Variants in TET3 observed in about 807,000 individuals in gnomAD.
The protein encoded by TET3 is methylcytosine dioxygenase TET3.
TET3 carries 19 observed loss-of-function variants against 141.4 expected under a neutral mutation model. That is an observed-to-expected ratio of 0.13 (90% CI 0.09 to 0.20). The LOEUF is 0.20. TET3 is among the 10% of genes least tolerant of loss of function. The probability of loss-of-function intolerance (pLI) is 1.00; values close to 1 mark genes in which losing one functional copy is unlikely to be tolerated. For missense variants in TET3, 1,874 were observed against 2,356.9 expected, an observed-to-expected ratio of 0.80 and a Z score of 4.24; for synonymous variants, 1,043 against 980.9, an observed-to-expected ratio of 1.06 and a Z score of -1.18.
intron 3 of TET3, among the ~76,000 whole-genome samples, chr2:74,023,002 C>G (rs1425932078): frequency 6.6e-6 from 1 of 152,056 alleles, no homozygotes; most frequent in Non-Finnish European, 1.5e-5. Context: ...TCTTGAACTC[C>G]TGACCTCAAG....
chr2:74,023,283 A>G (rs1206410240), intron 3 of TET3, among the ~76,000 whole-genome samples: 1 of 152,170 alleles, frequency 6.6e-6, no homozygotes, highest in Non-Finnish European at 1.5e-5. Flanking sequence ...TGTGTCACGT[A>G]GGCTGGAGTG....
chr2:74,092,453 G>C (rs1220007812), intron 8 of TET3, among the ~76,000 whole-genome samples: 1 of 152,128 alleles, frequency 6.6e-6, no homozygotes, highest in African/African-American at 2.4e-5. Flanking sequence ...GGCTGGGCTG[G>C]GCTGGCTGTG....
chr2:74,023,841 T>A (rs533504882), intron 3 of TET3, among the ~76,000 whole-genome samples: 1 of 152,174 alleles, frequency 6.6e-6, no homozygotes, highest in African/African-American at 2.4e-5. Context: ...AAATAACCAG[T>A]CTTGTCAGAG....
In TET3 at chr2:74,003,097, G is replaced by A; in HGVS notation, c.304-13G>A. The A allele has an allele frequency of 1.9e-6, 3 of 1,550,534 alleles. No homozygotes were observed. Among genetic ancestry groups the A allele is most frequent in the Non-Finnish European group, 2.6e-6 (3 of 1,146,972 alleles). On this transcript the variant is annotated splice_polypyrimidine_tract_variant and intron_variant, in intron 2 of 11. Transcript: ENST00000409262. ...CCCGCCTGGCTCACACGTTCCTCTG[G>A]CTTCTTTTGCAGGTGGAAATAAAGG... is the stretch of plus-strand genomic sequence containing the variant.
chr2:74,038,601 TAGC>T (rs1271932964), intron 3 of TET3, among the ~76,000 whole-genome samples: 2 of 152,188 alleles, frequency 1.3e-5, no homozygotes, highest in Non-Finnish European at 2.9e-5. Context: ...GGTGCCATAA[TAGC>T]AGAGAGATCA....
At chr2:74,051,323 G>A (rs1687930566) in intron 4 of TET3, among the ~76,000 whole-genome samples, 1 of 152,168 alleles carries the variant, frequency 6.6e-6, no homozygotes, top group South Asian at 2.1e-4. Context: ...ACAACACTTT[G>A]TATTATTAAA....
intron 4 of TET3, among the ~76,000 whole-genome samples, chr2:74,060,046 C>T (rs1688421656): frequency 6.6e-6 from 1 of 152,106 alleles, no homozygotes; most frequent in South Asian, 2.1e-4. Flanking sequence ...TAGGTATTTA[C>T]CTAGGACTGA....
chr2:74,029,002 A>G (rs1393455951), intron 3 of TET3, among the ~76,000 whole-genome samples: 2 of 152,190 alleles, frequency 1.3e-5, no homozygotes, highest in Non-Finnish European at 2.9e-5. Flanking sequence ...CATGTCTTCA[A>G]CCAGTGTTTG....
the TET3 span, among the ~76,000 whole-genome samples, chr2:74,133,985 C>G: frequency 2.6e-5 from 4 of 151,318 alleles, no homozygotes; most frequent in African/African-American, 7.3e-5. Context: ...CCTTGTGATC[C>G]CCCCCCCTCG....
In TET3 at chr2:74,046,486, A is replaced by T. The variant is rs1465199141; in HGVS notation, c.569A>T (p.His190Leu). ...TGGGAGGCTGCCCCAGGCCCAGCTCATACTGCTCGCCTGGAAGATGCCCAC... is the reference window on the plus strand; with the variant it reads ...TGGGAGGCTGCCCCAGGCCCAGCTCTTACTGCTCGCCTGGAAGATGCCCAC... The part of the protein sequence containing the change: ...PDWEAAPGPA[H>L]TARLEDAHDL... Residue 190 changes from histidine (H) to leucine (L), a missense_variant, in exon 4 of 12, where the codon CAT becomes CTT. Coordinates refer to ENST00000409262, the MANE Select transcript of TET3 (RefSeq NM_001287491.2). The surrounding 1 kb of genome is among the most constrained non-coding windows in gnomAD (Gnocchi z 4.3). 2.5e-6 allele frequency: 4 copies of T among 1,613,800 alleles called. No homozygotes were observed. The highest frequency in any genetic ancestry group is 3.3e-5 in the Admixed American group (2 of 60,010).
chr2:74,069,952 T>G (rs1689114692), intron 4 of TET3, among the ~76,000 whole-genome samples: 1 of 152,196 alleles, frequency 6.6e-6, no homozygotes, highest in Non-Finnish European at 1.5e-5. Context: ...AACCATTCTC[T>G]TAACTTTTGT....
chr2:73,985,684 A>T (rs1014770401), intron 1 of TET3, among the ~76,000 whole-genome samples: 4 of 151,708 alleles, frequency 2.6e-5, no homozygotes, highest in African/African-American at 9.7e-5. Flanking sequence ...CGTGTGGGGG[A>T]ATTTTGGTGA....
chr2:74,121,972 T>G, the TET3 span: 3 of 152,296 alleles, frequency 2.0e-5, no homozygotes, highest in African/African-American at 7.2e-5. Flanking sequence ...CACTCCAACC[T>G]GGGTGACAGA....
intron 8 of TET3, among the ~76,000 whole-genome samples, chr2:74,090,569 C>T (rs558465783): frequency 6.6e-6 from 1 of 152,250 alleles, no homozygotes; most frequent in East Asian, 1.9e-4. Context: ...TCCCTGGGCT[C>T]TGGACTGGTG....
At chr2:74,128,992 T>TAA in the TET3 span, among the ~76,000 whole-genome samples, 15,498 of 76,810 alleles carry the variant, frequency 0.2, 1,625 homozygotes, top group East Asian at 0.31. Context: ...TGTCTCAATT[T>TAA]AAAAAAAAAA....
intron 5 of TET3, among the ~76,000 whole-genome samples, chr2:74,077,251 C>G (rs6745576): frequency 0.29 from 43,871 of 152,060 alleles, 6,667 homozygotes; most frequent in African/African-American, 0.35. Flanking sequence ...CTCAGAGTCT[C>G]TAGAGGGTTT....
chr2:74,124,758 A>G, the TET3 span, among the ~76,000 whole-genome samples: 1 of 152,000 alleles, frequency 6.6e-6, no homozygotes, highest in Non-Finnish European at 1.5e-5. Context: ...CCACTCCCTA[A>G]TCTCAAGTAC....
chr2:74,007,179 G>T (rs1293048119), intron 3 of TET3, among the ~76,000 whole-genome samples: 1 of 152,216 alleles, frequency 6.6e-6, no homozygotes, highest in Non-Finnish European at 1.5e-5. Flanking sequence ...AAGCTTTTGT[G>T]TTTTGTATAT....
At position 74,102,455 on chromosome 2, in the gene TET3, C is replaced by G. The variant is rs367995628; in HGVS notation, c.*279C>G. 2.7e-4 allele frequency: 80 copies of G among 298,100 alleles called. No individual in the cohort carries two copies. The highest frequency in any genetic ancestry group is 1.3e-3 in the African/African-American group (61 of 46,380). 18.5% of individuals were successfully genotyped at this position (298,100 alleles called of 1,614,324 possible). A position where few individuals can be genotyped will look rare whatever the true frequency, so the allele number is the denominator to read the frequency against. ...ATTTATATCTCCAAGTTGTCCCCCC[C>G]CCTTGTCTGGGGGGTTTTTATTTTT... On this transcript the variant is annotated 3_prime_UTR_variant, in exon 12 of 12. Coordinates refer to ENST00000409262, the MANE Select transcript of TET3 (RefSeq NM_001287491.2).
Sources: gnomAD v4.1 joint callset for allele counts (sites outside exome capture counted in the v4.1 genomes callset) on GRCh38, gnomAD v4.1.1 for gene constraint, Gnocchi (gnomAD v3.1) non-coding constraint, MANE v1.5 for transcripts, NCBI Gene and HGNC (gene_info 2026-07-23, HGNC 2026-07-21) for gene names.